BYSL: variants seen among roughly 807,000 people sequenced by gnomAD.
The protein encoded by BYSL is bystin like.
Under a neutral mutation model 45.4 loss-of-function variants are expected in BYSL, and 21 were observed. The observed-to-expected ratio is 0.46, with a 90% CI of 0.33 to 0.67. BYSL has a LOEUF of 0.67. Ranked by LOEUF, BYSL falls within the 30% of genes least tolerant of loss-of-function variation. The pLI, the probability that BYSL is intolerant of heterozygous loss-of-function variation, is 0.02. For synonymous variants in BYSL, 215 were observed against 231.3 expected, an observed-to-expected ratio of 0.93 and a Z score of 0.64; for missense variants, 522 against 578.5, an observed-to-expected ratio of 0.90 and a Z score of 1.00.
Position 41,932,376 on chromosome 6 carries a change from A to G in BYSL, c.984A>G (p.Lys328=), listed in dbSNP as rs906870668. 1 of 1,610,948 alleles carries G rather than the reference A, an allele frequency of 6.2e-7. No homozygotes were observed. Among genetic ancestry groups the G allele is most frequent in the African/African-American group, 1.3e-5 (1 of 74,888 alleles). ...TTCCCACTAGTGCGGCCATGCTGAA[A>G]ATTGCTGAGATGGAATACAGCGGTG... ...PVLHSSAAML[K]IAEMEYSGAN... The change falls in exon 7 of 7, where the codon AAA becomes AAG. Residue 328 remains lysine, a synonymous_variant. Transcript: ENST00000230340. The surrounding 1 kb of genome is among the most constrained non-coding windows in gnomAD (Gnocchi z 4.7).
chr6:41,932,272 GA>G lies in BYSL; in HGVS notation c.969-82del. 7.6e-6 allele frequency: 10 copies of G among 1,322,674 alleles called. No homozygotes were observed. The highest frequency in any genetic ancestry group is 1.3e-5 in the South Asian group (1 of 75,964). 81.9% of individuals were successfully genotyped at this position (1,322,674 alleles called of 1,614,324 possible). A position where few individuals can be genotyped will look rare whatever the true frequency, so the allele number is the denominator to read the frequency against. On this transcript the variant is annotated intron_variant, in intron 6 of 6. Transcript: ENST00000230340. The surrounding 1 kb of genome is among the most constrained non-coding windows in gnomAD (Gnocchi z 4.7). ...TAGTGTAAGGGCCAGCAGAGGGGAA[GA>G]AAAAAAGGGGAAAGCATAGAGGGAG...
At chr6:41,919,286 C>T (rs1045671465), upstream of BYSL, among the ~76,000 whole-genome samples, 2 of 152,064 alleles carry the variant, frequency 1.3e-5, no homozygotes, top group African/African-American at 4.8e-5. Flanking sequence ...ACTAGACTGC[C>T]TGTATAAGGA....
Position 41,932,118 on chromosome 6 carries a change from C to T in BYSL, c.969-243C>T, listed in dbSNP as rs1775649270. 6.6e-6 allele frequency among the ~76,000 whole-genome samples: 1 copy of T among 152,078 alleles called. No individual in the cohort carries two copies. The highest frequency in any genetic ancestry group is 1.5e-5 in the Non-Finnish European group (1 of 68,018). On this transcript the variant is annotated intron_variant, in intron 6 of 6. Coordinates refer to ENST00000230340, the MANE Select transcript of BYSL (RefSeq NM_004053.4). This position sits in a 1 kb window ranked among gnomAD's most constrained non-coding sequence, Gnocchi z 4.7. ...GACGTTGAGATGTTTGGACCATACT[C>T]TAGTTGGTTACTGAAACAAGCAGTC...
chr6:41,921,490 C>T, upstream of BYSL: 1 of 1,487,468 alleles, frequency 6.7e-7, no homozygotes. Context: ...CGCTGGGAGT[C>T]CACCGCGCAA....
intron 1 of BYSL, among the ~76,000 whole-genome samples, chr6:41,924,297 C>T (rs1775534059): frequency 6.6e-6 from 1 of 151,916 alleles, no homozygotes; most frequent in Non-Finnish European, 1.5e-5. Context: ...TCTCAAACTC[C>T]TGACCTCAGG....
the BYSL span, among the ~76,000 whole-genome samples, chr6:41,912,290 CTCTACCTCCCAAAG>C: frequency 1.3e-5 from 2 of 149,948 alleles, no homozygotes; most frequent in East Asian, 3.9e-4. Context: ...ATCCTCTCAC[CTCTACCTCCCAAAG>C]TGCTGGGATT....
At chr6:41,923,939 T>C (rs1459496832) in intron 1 of BYSL, among the ~76,000 whole-genome samples, 1 of 152,188 alleles carries the variant, frequency 6.6e-6, no homozygotes, top group Non-Finnish European at 1.5e-5. Context: ...CTGGGATAGT[T>C]TGTTCTCATA....
chr6:41,910,778 G>A, the BYSL span, among the ~76,000 whole-genome samples: 4 of 151,684 alleles, frequency 2.6e-5, no homozygotes, highest in Admixed American at 1.3e-4. Context: ...GGGCTTCAGA[G>A]ATGTACAAGC....
At position 41,931,559 on chromosome 6, in the gene BYSL, G is replaced by A; in HGVS notation, c.865+3G>A. 6.2e-7 allele frequency: 1 copy of A among 1,614,158 alleles called. No individual in the cohort carries two copies. Among genetic ancestry groups the A allele is most frequent in the Non-Finnish European group, 8.5e-7 (1 of 1,180,018 alleles). On this transcript the variant is annotated splice_donor_region_variant and intron_variant, in intron 5 of 6. Coordinates refer to ENST00000230340, the MANE Select transcript of BYSL (RefSeq NM_004053.4). The stretch of plus-strand genomic sequence containing the variant: ...CAAACCTGGAGCCTGGTTCAAAGGT[G>A]GGATCCCAGAGGCACGGAAGAAAGG...
the BYSL span, among the ~76,000 whole-genome samples, chr6:41,910,708 T>C: frequency 6.6e-6 from 1 of 151,692 alleles, no homozygotes; most frequent in Non-Finnish European, 1.5e-5. Context: ...AATTAATGGA[T>C]AGACTGCCAC....
At chr6:41,912,352 CTTTTTTTTTT>C in the BYSL span, among the ~76,000 whole-genome samples, 3 of 87,626 alleles carry the variant, frequency 3.4e-5, no homozygotes, top group Non-Finnish European at 6.2e-5. Context: ...GACCATAGTA[CTTTTTTTTTT>C]TTTTTTTTTT....
chr6:41,929,332 T>C (rs1209910513), intron 2 of BYSL, among the ~76,000 whole-genome samples: 1 of 152,112 alleles, frequency 6.6e-6, no homozygotes, highest in Admixed American at 6.5e-5. Context: ...ACCCCATCTC[T>C]ACAGAAGAAT....
At chr6:41,928,775 C>G (rs188892987) in intron 2 of BYSL, among the ~76,000 whole-genome samples, 1 of 152,310 alleles carries the variant, frequency 6.6e-6, no homozygotes, top group Admixed American at 6.5e-5. Flanking sequence ...TTACCCCCAC[C>G]TGACAGCTGT....
At position 41,931,399 on chromosome 6, in the gene BYSL, T is replaced by C; in HGVS notation, c.708T>C (p.Ile236=). Reference sequence around the variant, plus strand: ...TCCCCCGCTTAACTCCCACTAGGATTTTTGCCTCTAACCTGAAGGAACGCA... The same window carrying C: ...TCCCCCGCTTAACTCCCACTAGGATCTTTGCCTCTAACCTGAAGGAACGCA... ...TAAAMYQATR[I]FASNLKERMA... Residue 236 remains isoleucine, a synonymous_variant, in exon 5 of 7, where the codon ATT becomes ATC. Transcript: ENST00000230340. 1.2e-6 allele frequency: 2 copies of C among 1,614,162 alleles called. No homozygotes were observed. Among genetic ancestry groups the C allele is most frequent in the Non-Finnish European group, 1.7e-6 (2 of 1,180,026 alleles).
chr6:41,924,165 A>T (rs1775531285), intron 1 of BYSL, among the ~76,000 whole-genome samples: 1 of 150,018 alleles, frequency 6.7e-6, no homozygotes, highest in Non-Finnish European at 1.5e-5. Context: ...GGTTCAAGCG[A>T]TTCTCCTGCC....
chr6:41,932,303 A>C lies in BYSL; in HGVS notation c.969-58A>C. ...AAGGGGAAAGCATAGAGGGAGAAGT[A>C]GGATCCTTCTTCCAATGTTTTCCCT... On this transcript the variant is annotated intron_variant, in intron 6 of 6. Transcript: ENST00000230340. The surrounding 1 kb of genome is among the most constrained non-coding windows in gnomAD (Gnocchi z 4.7). 3 of 1,481,512 alleles carry C rather than the reference A, an allele frequency of 2.0e-6. No homozygotes were observed. The highest frequency in any genetic ancestry group is 1.4e-5 in the African/African-American group (1 of 72,642). 91.8% of individuals were successfully genotyped at this position (1,481,512 alleles called of 1,614,324 possible).
At chr6:41,924,553 C>G (rs75173045) in intron 1 of BYSL, among the ~76,000 whole-genome samples, 6 of 152,130 alleles carry the variant, frequency 3.9e-5, no homozygotes, top group African/African-American at 7.2e-5. Flanking sequence ...GCCAGCACCC[C>G]GAACAGTGCC....
the BYSL span, among the ~76,000 whole-genome samples, chr6:41,910,547 A>C: frequency 6.7e-6 from 1 of 150,206 alleles, no homozygotes; most frequent in East Asian, 2.0e-4. Flanking sequence ...CACGAGAATC[A>C]CCTGAACCCA....
the BYSL span, among the ~76,000 whole-genome samples, chr6:41,914,174 A>G: frequency 6.6e-6 from 1 of 152,208 alleles, no homozygotes; most frequent in Non-Finnish European, 1.5e-5. Context: ...CCCTAGGGCT[A>G]GAGGAAAAAG....
Sources: gnomAD v4.1 joint callset for allele counts (sites outside exome capture counted in the v4.1 genomes callset) on GRCh38, gnomAD v4.1.1 for gene constraint, Gnocchi (gnomAD v3.1) non-coding constraint, MANE v1.5 for transcripts, NCBI Gene and HGNC (gene_info 2026-07-23, HGNC 2026-07-21) for gene names.